The following PRMT8 variants were observed in gnomAD, a reference collection of about 807,000 sequenced individuals.
PRMT8 encodes protein arginine N-methyltransferase 8.
A neutral mutation model predicts 47.1 loss-of-function variants in PRMT8; 7 were observed. The ratio of observed to expected loss-of-function variants is 0.15; its 90% CI spans 0.08 to 0.28. PRMT8 has a LOEUF of 0.28. Among genes scored for constraint, PRMT8 ranks in the 10% least tolerant of loss-of-function variants. The pLI is 1.00. For synonymous variants in PRMT8, 188 were observed against 186.5 expected (o/e 1.01, Z -0.07); for missense variants, 237 against 505.4 (o/e 0.47, Z 5.09).
intron 8 of PRMT8, among the ~76,000 whole-genome samples, chr12:3,591,087 A>G (rs1302831289): frequency 6.6e-6 from 1 of 152,088 alleles, no homozygotes; most frequent in Non-Finnish European, 1.5e-5. Flanking sequence ...AAGGAGGGAG[A>G]GGAAGGATTT....
Position 3,593,303 on chromosome 12 carries a change from C to G in PRMT8, c.*121C>G. The stretch of plus-strand genomic sequence containing the variant: ...TGAAAACCAGAGTTTTCAACTCTGC[C>G]TTGAAGATTGGTGAACTCCCCAGGG... On this transcript the variant is annotated 3_prime_UTR_variant, in exon 10 of 10. Coordinates refer to ENST00000382622, the MANE Select transcript of PRMT8 (RefSeq NM_019854.5). The surrounding 1 kb of genome is among the most constrained non-coding windows in gnomAD (Gnocchi z 4.8). 2.4e-6 allele frequency: 2 copies of G among 847,998 alleles called. No individual in the cohort carries two copies. The highest frequency in any genetic ancestry group is 1.8e-6 in the Non-Finnish European group (1 of 544,800). The allele number at this position is 847,998 out of a possible 1,614,324, so 52.5% of individuals were successfully genotyped here.
chr12:3,545,947 A>G (rs1300621745), intron 2 of PRMT8, among the ~76,000 whole-genome samples: 1 of 152,258 alleles, frequency 6.6e-6, no homozygotes, highest in Non-Finnish European at 1.5e-5. Flanking sequence ...ATTCACTAAG[A>G]TAGATCCTCT....
intron 1 of PRMT8, among the ~76,000 whole-genome samples, chr12:3,495,692 A>G (rs1865494127): frequency 6.6e-6 from 1 of 152,200 alleles, no homozygotes; most frequent in Non-Finnish European, 1.5e-5. Flanking sequence ...GGCCTGACAC[A>G]CAATAAGTAA....
At chr12:3,471,550 T>C (rs74452811) in intron 1 of PRMT8, among the ~76,000 whole-genome samples, 8,804 of 151,506 alleles carry the variant, frequency 0.058, 376 homozygotes, top group Middle Eastern at 0.13. Context: ...GCACGATGCC[T>C]CCTCAGTCAC....
intron 2 of PRMT8, among the ~76,000 whole-genome samples, chr12:3,549,277 C>T (rs1470972989): frequency 6.6e-6 from 1 of 152,040 alleles, no homozygotes. Context: ...CAAATTATAC[C>T]TTAATAGTGT....
intron 1 of PRMT8, among the ~76,000 whole-genome samples, chr12:3,437,352 ATATAT>A (rs1332429951): frequency 4.0e-5 from 6 of 151,886 alleles, no homozygotes; most frequent in African/African-American, 1.5e-4. Flanking sequence ...ATTTAGTTTT[ATATAT>A]TTTATTTTAT....
At chr12:3,411,050 G>A (rs937398573) in intron 1 of PRMT8, among the ~76,000 whole-genome samples, 1 of 152,232 alleles carries the variant, frequency 6.6e-6, no homozygotes, top group African/African-American at 2.4e-5. Context: ...GAATCGGCAT[G>A]CTTTGAGGCT....
At position 3,593,533 on chromosome 12, in the gene PRMT8, C is replaced by G. The variant is rs1867359827; in HGVS notation, c.*351C>G. ...TCTGAGTTTTGCATGCTGCGGGTGT[C>G]TAGGACAGATTGCTTCCACTAGAAC... On this transcript the variant is annotated 3_prime_UTR_variant, in exon 10 of 10. Coordinates refer to ENST00000382622, the MANE Select transcript of PRMT8 (RefSeq NM_019854.5). The surrounding 1 kb of genome is among the most constrained non-coding windows in gnomAD (Gnocchi z 4.8). The G allele has an allele frequency of 3.4e-6, 1 of 297,720 alleles. No homozygotes were observed. The highest frequency in any genetic ancestry group is 6.3e-6 in the Non-Finnish European group (1 of 158,438). 18.4% of individuals were successfully genotyped at this position (297,720 alleles called of 1,614,324 possible).
chr12:3,404,246 A>G (rs905665610), intron 1 of PRMT8, among the ~76,000 whole-genome samples: 1 of 152,214 alleles, frequency 6.6e-6, no homozygotes, highest in African/African-American at 2.4e-5. Flanking sequence ...TCCATAAAAT[A>G]TATATCATTT....
chr12:3,544,089 A>C (rs1232671835), intron 2 of PRMT8, among the ~76,000 whole-genome samples: 1 of 152,200 alleles, frequency 6.6e-6, no homozygotes, highest in African/African-American at 2.4e-5. Context: ...ATAGTCCAAC[A>C]ATTTGTCAAT....
rs898637795 is a variant in PRMT8 at position 3,508,505 on chromosome 12, C to A, written c.75+16805C>A. Among the ~76,000 whole-genome samples the A allele has an allele frequency of 1.3e-5, 2 of 151,986 alleles. No homozygotes were observed. Among genetic ancestry groups the A allele is most frequent in the Non-Finnish European group, 2.9e-5 (2 of 67,986 alleles). ...AGAAACATGTTAAGGTGAGGCCGGG[C>A]GTGGGAATAGTTGAGGGAGAGTCTT... On this transcript the variant is annotated intron_variant, in intron 1 of 9. Transcript: ENST00000382622. The surrounding 1 kb of genome is among the most constrained non-coding windows in gnomAD (Gnocchi z 4.9).
At position 3,441,738 on chromosome 12, in the gene PRMT8, C is replaced by T. The variant is rs142052530; in HGVS notation, c.48+60296C>T. 3.7e-3 allele frequency among the ~76,000 whole-genome samples: 564 copies of T among 152,340 alleles called. 2 individuals carry two copies. Among genetic ancestry groups the T allele is most frequent in the African/African-American group, 0.013 (543 of 41,576 alleles). Reference sequence around the variant, plus strand: ...AGAACTCCTGTGGATGTCGAATATTCGTGCAATGTAATTGGGAATATTTAA... The same window carrying T: ...AGAACTCCTGTGGATGTCGAATATTTGTGCAATGTAATTGGGAATATTTAA... On this transcript the variant is annotated intron_variant, in intron 1 of 9. Transcript: ENST00000452611.
Position 3,569,647 on chromosome 12 carries a change from C to T in PRMT8, c.712+83C>T. 1.8e-6 allele frequency: 2 copies of T among 1,094,348 alleles called. No homozygotes were observed. Among genetic ancestry groups the T allele is most frequent in the South Asian group, 2.5e-5 (2 of 79,866 alleles). 67.8% of individuals were successfully genotyped at this position (1,094,348 alleles called of 1,614,324 possible). A position where few individuals can be genotyped will look rare whatever the true frequency, so the allele number is the denominator to read the frequency against. ...CTCCAGTGGGCCCGAGATGAGCAGG[C>T]AGTGACATGAACACCATTGCTGTCC... On this transcript the variant is annotated intron_variant, in intron 6 of 9. Coordinates refer to ENST00000382622, the MANE Select transcript of PRMT8 (RefSeq NM_019854.5). This position sits in a 1 kb window ranked among gnomAD's most constrained non-coding sequence, Gnocchi z 8.2.
chr12:3,567,287 A>G (rs1202636436), intron 4 of PRMT8, among the ~76,000 whole-genome samples: 1 of 152,230 alleles, frequency 6.6e-6, no homozygotes, highest in Non-Finnish European at 1.5e-5. Context: ...ATTGGAGTTT[A>G]GTTAGGTCAA....
upstream of PRMT8, among the ~76,000 whole-genome samples, chr12:3,486,366 G>C (rs574393742): frequency 1.3e-5 from 2 of 152,226 alleles, no homozygotes; most frequent in African/African-American, 4.8e-5. Context: ...TAGTATATTA[G>C]AGTTAGTCAT....
chr12:3,457,661 A>G (rs559440966), intron 1 of PRMT8, among the ~76,000 whole-genome samples: 3 of 152,212 alleles, frequency 2.0e-5, no homozygotes, highest in Admixed American at 6.5e-5. Context: ...TCCTTGCTGC[A>G]TGAAAAACAT....
chr12:3,426,933 C>T (rs576420061), intron 1 of PRMT8, among the ~76,000 whole-genome samples: 51 of 152,000 alleles, frequency 3.4e-4, no homozygotes, highest in African/African-American at 1.1e-3. Context: ...TTGATGAGAA[C>T]GTGATCGTCA....
intron 1 of PRMT8, among the ~76,000 whole-genome samples, chr12:3,475,889 G>A (rs1865207705): frequency 6.6e-6 from 1 of 152,178 alleles, no homozygotes; most frequent in South Asian, 2.1e-4. Flanking sequence ...TGTGGAGAAG[G>A]GTCTGAGGAG....
At chr12:3,425,410 C>T (rs1484033494) in intron 1 of PRMT8, among the ~76,000 whole-genome samples, 3 of 152,224 alleles carry the variant, frequency 2.0e-5, no homozygotes, top group Non-Finnish European at 2.9e-5. Flanking sequence ...CCACTGGCCT[C>T]GGCCAGGGCC....
Sources: gnomAD v4.1 joint callset for allele counts (sites outside exome capture counted in the v4.1 genomes callset) on GRCh38, gnomAD v4.1.1 for gene constraint, Gnocchi (gnomAD v3.1) non-coding constraint, MANE v1.5 for transcripts, NCBI Gene and HGNC (gene_info 2026-07-23, HGNC 2026-07-21) for gene names.